Variants in MGAT5B observed in about 807,000 individuals in gnomAD.
MGAT5B encodes the protein alpha-1,6-mannosylglycoprotein 6-beta-N-acetylglucosaminyltransferase B, also known as N-acetylglucosaminyl-transferase Vb.
A neutral mutation model predicts 95.1 loss-of-function variants in MGAT5B; 54 were observed. That is an observed-to-expected ratio of 0.57 (90% confidence interval 0.46 to 0.71). The LOEUF is 0.71. Among genes scored for constraint, MGAT5B ranks in the 30% least tolerant of loss-of-function variants. MGAT5B has a pLI of 0.00. For synonymous variants in MGAT5B, 464 were observed against 451.0 expected, an observed-to-expected ratio of 1.03 and a Z score of -0.36; for missense variants, 935 against 1,088.6, an observed-to-expected ratio of 0.86 and a Z score of 1.99.
intron 2 of MGAT5B, among the ~76,000 whole-genome samples, chr17:76,877,172 A>G (rs1221855033): frequency 6.6e-6 from 1 of 151,848 alleles, no homozygotes; most frequent in Non-Finnish European, 1.5e-5. Context: ...CTAAAAATAC[A>G]AAAATTAGCA....
chr17:76,909,912 G>A (rs1968669800), intron 8 of MGAT5B, among the ~76,000 whole-genome samples: 1 of 152,208 alleles, frequency 6.6e-6, no homozygotes, highest in Admixed American at 6.5e-5. Flanking sequence ...GAGAGGAACA[G>A]CACGTGTAAG....
At position 76,918,900 on chromosome 17, in the gene MGAT5B, G is replaced by A. The variant is rs1162649767; in HGVS notation, c.1026-6066G>A. Among the ~76,000 whole-genome samples, 1 of 152,216 alleles carries A rather than the reference G, an allele frequency of 6.6e-6. No homozygotes were observed. Among genetic ancestry groups the A allele is most frequent in the Non-Finnish European group, 1.5e-5 (1 of 68,036 alleles). On this transcript the variant is annotated intron_variant, in intron 8 of 17. Coordinates refer to ENST00000569840, the MANE Select transcript of MGAT5B (RefSeq NM_001199172.2). The surrounding 1 kb of genome is among the most constrained non-coding windows in gnomAD (Gnocchi z 5.1). Reference sequence around the variant, plus strand: ...AGGTCCCTCCCACACAAGAGAAAGAGAGAGAGAATAGTGTGTTCCACAATT... The same window carrying A: ...AGGTCCCTCCCACACAAGAGAAAGAAAGAGAGAATAGTGTGTTCCACAATT...
At chr17:76,897,660 ACTTTCTTTCTTTCTTTCTTT>A (rs772516557) in intron 3 of MGAT5B, among the ~76,000 whole-genome samples, 1,063 of 69,206 alleles carry the variant, frequency 0.015, 9 homozygotes, top group South Asian at 0.04. Flanking sequence ...AAGTAAGGCC[ACTTTCTTTCTTTCTTTCTTT>A]CTTTCTTTCT....
At chr17:76,887,810 G>T (rs182949260) in intron 3 of MGAT5B, among the ~76,000 whole-genome samples, 3 of 151,796 alleles carry the variant, frequency 2.0e-5, no homozygotes, top group Non-Finnish European at 4.4e-5. Flanking sequence ...GCCCGCCTTG[G>T]CCTCCCAAAG....
Position 76,948,869 on chromosome 17 carries a change from C to T in MGAT5B, c.*31C>T, listed in dbSNP as rs558944250. The T allele has an allele frequency of 6.3e-5, 97 of 1,538,936 alleles. No individual in the cohort carries two copies. In the South Asian group the frequency reaches 9.5e-4, roughly 15 times the overall value. On this transcript the variant is annotated 3_prime_UTR_variant, in exon 18 of 18. Coordinates refer to ENST00000569840, the MANE Select transcript of MGAT5B (RefSeq NM_001199172.2). The stretch of plus-strand genomic sequence containing the variant: ...CCTCTGCCGCCCTGCCTGGCACCCA[C>T]GCTGGCTCTCTCCTGCCGCGGGAGA...
chr17:76,927,569 G>A (rs1969353886), intron 10 of MGAT5B, among the ~76,000 whole-genome samples: 1 of 152,170 alleles, frequency 6.6e-6, no homozygotes. Flanking sequence ...ACTCTAAAAT[G>A]TATACACACA....
At chr17:76,948,544 G>A in intron 17 of MGAT5B, 96 bp from the exon 18 acceptor site, 3 of 1,248,988 alleles carry the variant, frequency 2.4e-6, no homozygotes, top group Non-Finnish European at 3.4e-6. Context: ...GAGAAGGGGA[G>A]CAGGCAGGAC....
rs1969526380 is a variant in MGAT5B, at chr17:76,932,575, A to G, written c.1292-70A>G. 42 of 1,523,936 alleles carry G rather than the reference A, an allele frequency of 2.8e-5. No homozygotes were observed. In the South Asian group the frequency reaches 4.8e-4, roughly 17 times the overall value. The allele number at this position is 1,523,936 out of a possible 1,614,324, so 94.4% of individuals were successfully genotyped here. A position where few individuals can be genotyped will look rare whatever the true frequency, so the allele number is the denominator to read the frequency against. The stretch of plus-strand genomic sequence containing the variant: ...CAAAAGAGGACCTCTTGGGCGGGGC[A>G]GTCCAGGGAGGCCTGGGGCTGCCCT... On this transcript the variant is annotated intron_variant, in intron 10 of 17. Coordinates refer to ENST00000569840, the MANE Select transcript of MGAT5B (RefSeq NM_001199172.2).
chr17:76,926,869 C>T (rs535300563), intron 10 of MGAT5B, 139 bp downstream of exon 10: 8 of 1,041,662 alleles, frequency 7.7e-6, no homozygotes, highest in Admixed American at 6.7e-5. Context: ...CAGCAAGCAT[C>T]GCCTTCTCCT....
intron 12 of MGAT5B, among the ~76,000 whole-genome samples, chr17:76,933,554 C>T (rs1969562753): frequency 6.6e-6 from 1 of 151,890 alleles, no homozygotes; most frequent in Admixed American, 6.6e-5. Context: ...ACAGGGCAGC[C>T]CTTGGGCATG....
chr17:76,926,012 A>G (rs1239624130), intron 9 of MGAT5B, among the ~76,000 whole-genome samples: 1 of 152,120 alleles, frequency 6.6e-6, no homozygotes, highest in African/African-American at 2.4e-5. Flanking sequence ...CAGCAGAGGG[A>G]GAAGGGCCCT....
chr17:76,898,214 C>T lies in MGAT5B; in HGVS notation c.330-4341C>T, dbSNP rs542758177. Among the ~76,000 whole-genome samples the T allele has an allele frequency of 1.9e-4, 29 of 152,252 alleles. No individual in the cohort carries two copies. The East Asian group carries it at 2.1e-3, about 11-fold the overall frequency. ...CTAGCACACAAGATTTCCTGTGTTC[C>T]GTCAGCGGAAGTCATTCTTAGCCCC... On this transcript the variant is annotated intron_variant, in intron 3 of 17. Transcript: ENST00000569840.
At chr17:76,936,373 A>C (rs1969673204) in intron 12 of MGAT5B, among the ~76,000 whole-genome samples, 1 of 152,178 alleles carries the variant, frequency 6.6e-6, no homozygotes, top group African/African-American at 2.4e-5. Flanking sequence ...GCACCACTGC[A>C]CTCCAGCCTG....
intron 9 of MGAT5B, 70 bp downstream of exon 9, chr17:76,925,167 G>GC: frequency 6.3e-7 from 1 of 1,590,404 alleles, no homozygotes; most frequent in Middle Eastern, 1.8e-4. Flanking sequence ...TTCACGCCCT[G>GC]CCCCCACGTC....
At chr17:76,898,908 C>T (rs548731552) in intron 3 of MGAT5B, among the ~76,000 whole-genome samples, 2 of 152,306 alleles carry the variant, frequency 1.3e-5, no homozygotes, top group South Asian at 4.1e-4. Context: ...GAGCCCCGAG[C>T]ACAGGGCCCA....
rs1210380579 is a variant in MGAT5B at position 76,906,489 on chromosome 17, C to G, written c.1025+302C>G. Among the ~76,000 whole-genome samples, 1 of 152,244 alleles carries G rather than the reference C, an allele frequency of 6.6e-6. No homozygotes were observed. Among genetic ancestry groups the G allele is most frequent in the African/African-American group, 2.4e-5 (1 of 41,458 alleles). On this transcript the variant is annotated intron_variant, in intron 8 of 17. Transcript: ENST00000569840. The surrounding 1 kb of genome is among the most constrained non-coding windows in gnomAD (Gnocchi z 4.6). ...CACGTGTTGGCTTGTGGAATTGAGC[C>G]ACGTCTGCACGTGGGGTCCCCTCTG...
At chr17:76,880,975 G>A (rs1011100453) in intron 2 of MGAT5B, among the ~76,000 whole-genome samples, 1 of 152,184 alleles carries the variant, frequency 6.6e-6, no homozygotes, top group African/African-American at 2.4e-5. Context: ...GGCAGCCTGG[G>A]AGCATCGAAG....
At chr17:76,946,727 G>A (rs1465983) in intron 16 of MGAT5B, among the ~76,000 whole-genome samples, 56,684 of 152,174 alleles carry the variant, frequency 0.37, 10,892 homozygotes, top group East Asian at 0.56. Context: ...AAAGACTTCC[G>A]TTCTTAGAAA....
At chr17:76,882,338 C>G (rs1663456) in intron 3 of MGAT5B, 40 bp downstream of exon 3, 37 of 1,519,748 alleles carry the variant, frequency 2.4e-5, no homozygotes, top group East Asian at 4.8e-5. Flanking sequence ...AGCAGGGGAG[C>G]GGTGGCACCT....
Sources: gnomAD v4.1 joint callset for allele counts (sites outside exome capture counted in the v4.1 genomes callset) on GRCh38, gnomAD v4.1.1 for gene constraint, Gnocchi (gnomAD v3.1) non-coding constraint, MANE v1.5 for transcripts, NCBI Gene and HGNC (gene_info 2026-07-23, HGNC 2026-07-21) for gene names.